Variants in LARP4B observed in about 807,000 individuals in gnomAD.
LARP4B encodes the protein la-related protein 4B.
LARP4B carries 12 observed loss-of-function variants against 89.8 expected under a neutral mutation model. The observed-to-expected ratio is 0.13, with a 90% CI of 0.09 to 0.22. The LOEUF (loss-of-function observed/expected upper bound fraction) is 0.22. LARP4B is among the 10% of genes least tolerant of loss of function. LARP4B has a pLI of 1.00. For synonymous variants in LARP4B, 367 were observed against 363.3 expected, an observed-to-expected ratio of 1.01 and a Z score of -0.12; for missense variants, 757 against 947.7, an observed-to-expected ratio of 0.80 and a Z score of 2.64.
rs565022429 is a variant in LARP4B, at chr10:814,675, T to A, written c.1929+67A>T. The A allele has an allele frequency of 1.8e-5, 28 of 1,552,740 alleles. No homozygotes were observed. The highest frequency in any genetic ancestry group is 2.4e-5 in the Non-Finnish European group (27 of 1,147,742). On this transcript the variant is annotated intron_variant, in intron 17 of 17. Coordinates refer to ENST00000316157, the MANE Select transcript of LARP4B (RefSeq NM_015155.3). The surrounding 1 kb of genome is among the most constrained non-coding windows in gnomAD (Gnocchi z 4.4). ...ATTAAAAAACGAGCAGGTGCAGGAG[T>A]GCGCAGCGTCTGTTCACACCAGAGC...
At chr10:914,070 T>C (rs1246392282) in intron 1 of LARP4B, among the ~76,000 whole-genome samples, 2 of 152,158 alleles carry the variant, frequency 1.3e-5, no homozygotes, top group Non-Finnish European at 2.9e-5. Context: ...ATTTATAGGG[T>C]ACAGAAAAGT....
At chr10:935,863 G>A (rs180832664), upstream of LARP4B, among the ~76,000 whole-genome samples, 306 of 150,982 alleles carry the variant, frequency 2.0e-3, 1 homozygote, top group African/African-American at 7.0e-3. Flanking sequence ...GGATTACAGG[G>A]ATGCACCATG....
the LARP4B span, among the ~76,000 whole-genome samples, chr10:981,215 G>A: frequency 6.6e-6 from 1 of 152,174 alleles, no homozygotes; most frequent in African/African-American, 2.4e-5. Context: ...GGACTTCACT[G>A]TCCATATCAC....
At chr10:896,919 A>G (rs2131973618) in intron 1 of LARP4B, among the ~76,000 whole-genome samples, 1 of 152,268 alleles carries the variant, frequency 6.6e-6, no homozygotes, top group African/African-American at 2.4e-5. Context: ...TATTTTTACA[A>G]TGCCAACAAA....
chr10:826,079 C>T (rs1490532695), intron 11 of LARP4B, among the ~76,000 whole-genome samples: 1 of 152,194 alleles, frequency 6.6e-6, no homozygotes, highest in South Asian at 2.1e-4. Flanking sequence ...CCAATCCTTA[C>T]AACAATCCAG....
intron 1 of LARP4B, among the ~76,000 whole-genome samples, chr10:918,708 T>C (rs1245017283): frequency 6.7e-6 from 1 of 149,468 alleles, no homozygotes; most frequent in Non-Finnish European, 1.5e-5. Context: ...TCACTTCCAA[T>C]GATTCTGAAT....
At chr10:852,878 A>C (rs1322689852) in intron 5 of LARP4B, among the ~76,000 whole-genome samples, 1 of 152,242 alleles carries the variant, frequency 6.6e-6, no homozygotes, top group Non-Finnish European at 1.5e-5. Flanking sequence ...ATAGCACCAA[A>C]AAATATAAAA....
the LARP4B span, among the ~76,000 whole-genome samples, chr10:954,793 C>G: frequency 2.0e-5 from 3 of 146,966 alleles, no homozygotes; most frequent in Non-Finnish European, 4.5e-5. The surrounding 1 kb of genome is among the most constrained non-coding windows in gnomAD (Gnocchi z 5.0). Context: ...CAGCTCCCAT[C>G]CACGCTTCCC....
At chr10:833,389 C>T (rs1833032467) in intron 8 of LARP4B, among the ~76,000 whole-genome samples, 1 of 150,912 alleles carries the variant, frequency 6.6e-6, no homozygotes, top group South Asian at 2.1e-4. Context: ...CCTAAAGCAC[C>T]ACTAAAAAAC....
intron 1 of LARP4B, among the ~76,000 whole-genome samples, chr10:892,905 T>C (rs908351236): frequency 2.1e-5 from 2 of 96,046 alleles, no homozygotes; most frequent in Non-Finnish European, 4.7e-5. Context: ...AAGAGAAATT[T>C]TTTTTTTTTT....
intron 1 of LARP4B, among the ~76,000 whole-genome samples, chr10:897,876 T>TA (rs900395251): frequency 1.3e-5 from 2 of 150,174 alleles, no homozygotes; most frequent in Admixed American, 6.7e-5. Flanking sequence ...TAATCTCAGT[T>TA]ACTTGGGAGG....
chr10:925,681 G>A (rs1837116885), intron 1 of LARP4B, among the ~76,000 whole-genome samples: 1 of 152,024 alleles, frequency 6.6e-6, no homozygotes, highest in Non-Finnish European at 1.5e-5. Context: ...TTACGAGCAC[G>A]CACCACCACG....
At chr10:917,311 T>TC (rs1225969383) in intron 1 of LARP4B, among the ~76,000 whole-genome samples, 2 of 152,228 alleles carry the variant, frequency 1.3e-5, no homozygotes, top group African/African-American at 4.8e-5. Context: ...ACTGAAACAT[T>TC]CACCTTACTC....
chr10:967,692 G>C, the LARP4B span, among the ~76,000 whole-genome samples: 62 of 152,266 alleles, frequency 4.1e-4, no homozygotes, highest in Admixed American at 7.2e-4. Context: ...CGGACTTCAG[G>C]GGGCAACAGA....
In LARP4B at chr10:823,346, G is replaced by GC. The variant is rs138360078; in HGVS notation, c.1484+1718dup. Among the ~76,000 whole-genome samples, 1,174 of 152,294 alleles carry GC rather than the reference G, an allele frequency of 7.7e-3. 12 individuals are homozygous for GC. Among genetic ancestry groups the GC allele is most frequent in the African/African-American group, 0.026 (1,060 of 41,548 alleles). ...GGGGAGAGAGAGGGTCTCCATTGGT[G>GC]CAAGATCTGCATCTGTCAGGCAAAA... On this transcript the variant is annotated intron_variant, in intron 13 of 17. Transcript: ENST00000316157.
chr10:956,593 C>T, the LARP4B span, among the ~76,000 whole-genome samples: 5 of 152,284 alleles, frequency 3.3e-5, no homozygotes, highest in East Asian at 7.7e-4. The surrounding 1 kb of genome is among the most constrained non-coding windows in gnomAD (Gnocchi z 4.3). Flanking sequence ...GATCCGCCCG[C>T]CTCGGTATCC....
chr10:938,728 C>G, the LARP4B span, among the ~76,000 whole-genome samples: 5 of 152,000 alleles, frequency 3.3e-5, no homozygotes, highest in Admixed American at 3.3e-4. Context: ...ATATATACAT[C>G]TCTCTCTCTC....
At chr10:968,066 T>C in the LARP4B span, among the ~76,000 whole-genome samples, 1 of 152,206 alleles carries the variant, frequency 6.6e-6, no homozygotes, top group Non-Finnish European at 1.5e-5. Flanking sequence ...TGTGTGGTTC[T>C]GGCTCAGGAA....
chr10:879,849 A>G (rs1477029437), intron 3 of LARP4B, among the ~76,000 whole-genome samples: 1 of 152,030 alleles, frequency 6.6e-6, no homozygotes, highest in Non-Finnish European at 1.5e-5. Context: ...TCTCGGCTCA[A>G]TGCAACCTCC....
Sources: allele counts gnomAD v4.1 joint callset (sites outside exome capture counted in the v4.1 genomes callset), GRCh38; gene constraint gnomAD v4.1.1; non-coding constraint Gnocchi (gnomAD v3.1); transcripts MANE v1.5; gene names NCBI Gene and HGNC (gene_info 2026-07-23, HGNC 2026-07-21).